The following MDH1B variants were observed in gnomAD, a reference collection of about 807,000 sequenced individuals.
MDH1B encodes the protein malate dehydrogenase 1B.
Under a neutral mutation model 61.4 loss-of-function variants are expected in MDH1B, and 60 were observed. The observed-to-expected ratio is 0.98, with a 90% CI of 0.79 to 1.21. MDH1B has a LOEUF of 1.21. MDH1B is among the 50% of genes most tolerant of loss of function. MDH1B has a pLI of 0.00. For synonymous variants in MDH1B, 236 were observed against 218.7 expected, an observed-to-expected ratio of 1.08 and a Z score of -0.70; for missense variants, 587 against 632.1, an observed-to-expected ratio of 0.93 and a Z score of 0.76.
At position 206,755,110 on chromosome 2, in the gene MDH1B, C is replaced by T. The variant is rs140417620; in HGVS notation, c.809G>A (p.Arg270Lys). The T allele has an allele frequency of 1.0e-4, 168 of 1,614,250 alleles. 1 individual carries two copies. In the African/African-American group the frequency reaches 1.8e-3, roughly 17 times the overall value. ...GTTGTGTGCAATGCGTGGGGCATAT[C>T]TCATGAGTAAAACTGTCTTCAGGTT... is the stretch of plus-strand genomic sequence containing the variant. ...FVNLKTVLLM[R>K]YAPRIAHNII... Residue 270 changes from arginine to lysine, a missense_variant, in exon 5 of 12, where the codon AGA becomes AAA. Transcript: ENST00000374412.
rs570903176 is a variant in MDH1B, at chr2:206,762,506, G to A, written c.23-1493C>T. Among the ~76,000 whole-genome samples the A allele has an allele frequency of 1.7e-4, 26 of 152,148 alleles. No homozygotes were observed. In the South Asian group the frequency reaches 3.9e-3, roughly 23 times the overall value. On this transcript the variant is annotated intron_variant, in intron 1 of 11. Transcript: ENST00000374412. ...AATTATCCTCTCTTTCTAGAGTCTTGTATCTGTTTCTAATAGTCCCTTTCT... is the reference window on the plus strand; with the variant it reads ...AATTATCCTCTCTTTCTAGAGTCTTATATCTGTTTCTAATAGTCCCTTTCT...
At chr2:206,761,240 GA>G (rs1281367295) in intron 1 of MDH1B, among the ~76,000 whole-genome samples, 4 of 151,596 alleles carry the variant, frequency 2.6e-5, no homozygotes, top group South Asian at 2.1e-4. Context: ...AATGTGGAAA[GA>G]AAAAAAACCC....
At chr2:206,740,844 G>A (rs541350788) in intron 10 of MDH1B, among the ~76,000 whole-genome samples, 1 of 152,248 alleles carries the variant, frequency 6.6e-6, no homozygotes, top group South Asian at 2.1e-4. Flanking sequence ...AGAGTTTGAG[G>A]TGAATATGAC....
chr2:206,760,271 T>C (rs146252647), intron 2 of MDH1B, among the ~76,000 whole-genome samples: 2,726 of 152,292 alleles, frequency 0.018, 34 homozygotes, highest in Middle Eastern at 0.031. Context: ...GCAAATTGCC[T>C]TGCCTAAGGT....
chr2:206,757,149 A>C (rs1027280259), intron 3 of MDH1B, 88 bp downstream of exon 3: 1 of 1,506,940 alleles, frequency 6.6e-7, no homozygotes, highest in Non-Finnish European at 9.0e-7. Context: ...AAGAGACATG[A>C]GAGAATGTCT....
chr2:206,756,738 C>G (rs1688781101), intron 4 of MDH1B, 160 bp downstream of exon 4: 3 of 660,050 alleles, frequency 4.5e-6, no homozygotes, highest in East Asian at 2.8e-5. Context: ...CACACACACA[C>G]AGAGATGCAT....
chr2:206,757,792 T>C (rs1387428789), intron 2 of MDH1B, among the ~76,000 whole-genome samples: 1 of 152,200 alleles, frequency 6.6e-6, no homozygotes, highest in African/African-American at 2.4e-5. Flanking sequence ...TCTGTGAGTG[T>C]GGTTTATGTA....
At chr2:206,750,861 G>T in intron 6 of MDH1B, 73 bp downstream of exon 6, 2 of 1,233,372 alleles carry the variant, frequency 1.6e-6, no homozygotes, top group Non-Finnish European at 2.2e-6. Flanking sequence ...TTTATGAGAT[G>T]ATTTAAAAGA....
intron 7 of MDH1B, among the ~76,000 whole-genome samples, chr2:206,747,662 A>G (rs1688193342): frequency 6.6e-6 from 1 of 152,180 alleles, no homozygotes; most frequent in South Asian, 2.1e-4. Flanking sequence ...TAATCATACT[A>G]TCAAAAACAG....
At chr2:206,757,127 A>C in intron 3 of MDH1B, 87 bp from the exon 4 acceptor site, 1 of 1,531,190 alleles carries the variant, frequency 6.5e-7, no homozygotes, top group Non-Finnish European at 8.9e-7. Context: ...TTTAAAGTCA[A>C]AAGACAATAA....
rs1171592158 is a variant in MDH1B at position 206,738,200 on chromosome 2, C to T, written c.*283G>A. 7 of 268,770 alleles carry T rather than the reference C, an allele frequency of 2.6e-5. No homozygotes were observed. The East Asian group carries it at 5.1e-4, about 19-fold the overall frequency. 16.6% of individuals were successfully genotyped at this position (268,770 alleles called of 1,614,324 possible). ...GAAGATGTATGGGCAGATGCAATGA[C>T]TGACAACTCTATTTTAATGTAATAT... is the stretch of plus-strand genomic sequence containing the variant. On this transcript the variant is annotated 3_prime_UTR_variant, in exon 12 of 12. Coordinates refer to ENST00000374412, the MANE Select transcript of MDH1B (RefSeq NM_001039845.3).
At chr2:206,763,164 G>A (rs934336699) in intron 1 of MDH1B, among the ~76,000 whole-genome samples, 1 of 150,724 alleles carries the variant, frequency 6.6e-6, no homozygotes, top group Non-Finnish European at 1.5e-5. Context: ...GTGCTTAGTC[G>A]CTTATATTTA....
At chr2:206,742,482 A>G (rs1277758725) in intron 9 of MDH1B, among the ~76,000 whole-genome samples, 1 of 152,002 alleles carries the variant, frequency 6.6e-6, no homozygotes, top group Non-Finnish European at 1.5e-5. Context: ...CAGCCTTTCC[A>G]CCTTTGTCTG....
chr2:206,749,205 AT>A, intron 6 of MDH1B, 22 bp from the exon 7 acceptor site: 1 of 1,609,464 alleles, frequency 6.2e-7, no homozygotes, highest in Non-Finnish European at 8.5e-7. Context: ...GAAAGAAACA[AT>A]TTTACAATGG....
intron 8 of MDH1B, 78 bp downstream of exon 8, chr2:206,746,209 C>G: frequency 2.4e-6 from 3 of 1,274,716 alleles, no homozygotes; most frequent in South Asian, 2.4e-5. Context: ...ATAGAAAAAC[C>G]AATGTATGCC....
chr2:206,757,191 T>A, intron 3 of MDH1B, 46 bp downstream of exon 3: 1 of 1,557,502 alleles, frequency 6.4e-7, no homozygotes, highest in Non-Finnish European at 8.7e-7. Flanking sequence ...AATAAAATAA[T>A]GTAAGAGAAT....
At chr2:206,743,890 C>T (rs1475138573) in intron 9 of MDH1B, among the ~76,000 whole-genome samples, 1 of 152,170 alleles carries the variant, frequency 6.6e-6, no homozygotes, top group Non-Finnish European at 1.5e-5. Context: ...TTTCCACATC[C>T]TAAATATCTC....
intron 6 of MDH1B, 93 bp from the exon 7 acceptor site, chr2:206,749,276 C>T (rs1688303095): frequency 2.0e-6 from 2 of 1,006,674 alleles, no homozygotes; most frequent in Non-Finnish European, 2.9e-6. Flanking sequence ...GTATCAGAAA[C>T]CTAATCCACA....
intron 11 of MDH1B, among the ~76,000 whole-genome samples, chr2:206,739,153 C>A (rs551790299): frequency 6.6e-6 from 1 of 152,084 alleles, no homozygotes; most frequent in East Asian, 1.9e-4. Flanking sequence ...CGGTGGCTCA[C>A]GCCTGTAATT....
Sources: gnomAD v4.1 joint callset for allele counts (sites outside exome capture counted in the v4.1 genomes callset) on GRCh38, gnomAD v4.1.1 for gene constraint, MANE v1.5 for transcripts, NCBI Gene and HGNC (gene_info 2026-07-23, HGNC 2026-07-21) for gene names.